GALNT13: variants seen among roughly 807,000 people sequenced by gnomAD.
The protein encoded by GALNT13 is polypeptide N-acetylgalactosaminyltransferase 13.
GALNT13 carries 28 observed loss-of-function variants against 64.2 expected under a neutral mutation model. The observed-to-expected ratio is 0.44, with a 90% CI of 0.32 to 0.60. GALNT13 has a LOEUF of 0.60. Among genes scored for constraint, GALNT13 ranks in the 20% least tolerant of loss-of-function variants. The probability of loss-of-function intolerance (pLI) is 0.05; values close to 1 mark genes in which losing one functional copy is unlikely to be tolerated. For synonymous variants in GALNT13, 214 were observed against 224.6 expected (o/e 0.95, Z 0.42); for missense variants, 577 against 669.8 (o/e 0.86, Z 1.53).
intron 9 of GALNT13, among the ~76,000 whole-genome samples, chr2:154,354,833 C>T (rs1009452060): frequency 2.0e-5 from 3 of 151,866 alleles, no homozygotes; most frequent in East Asian, 1.9e-4. Flanking sequence ...AATTTGTAAC[C>T]TTAGTTTCTC....
At chr2:153,309,141 A>G in the GALNT13 span, among the ~76,000 whole-genome samples, 196 of 152,272 alleles carry the variant, frequency 1.3e-3, 6 homozygotes, top group East Asian at 0.036. Flanking sequence ...AGCTATTATC[A>G]GAGATAACAT....
At chr2:153,387,952 T>C in the GALNT13 span, among the ~76,000 whole-genome samples, 3 of 147,380 alleles carry the variant, frequency 2.0e-5, no homozygotes, top group African/African-American at 7.6e-5. Flanking sequence ...TTATAGCATA[T>C]AAAAATCCCT....
At chr2:153,734,316 T>C in the GALNT13 span, among the ~76,000 whole-genome samples, 451 of 152,282 alleles carry the variant, frequency 3.0e-3, 3 homozygotes, top group African/African-American at 0.01. Flanking sequence ...TAGTATTTAC[T>C]AGGTAAATCA....
At chr2:153,583,346 CT>C in the GALNT13 span, among the ~76,000 whole-genome samples, 2 of 152,146 alleles carry the variant, frequency 1.3e-5, no homozygotes, top group African/African-American at 4.8e-5. Flanking sequence ...AGATGGTTGA[CT>C]AGAAGAATTT....
chr2:153,181,817 T>C, the GALNT13 span, among the ~76,000 whole-genome samples: 1 of 145,950 alleles, frequency 6.9e-6, no homozygotes, highest in African/African-American at 2.5e-5. Context: ...CATAATTATA[T>C]TTATATAATA....
chr2:153,983,726 A>G (rs948038795), intron 3 of GALNT13, among the ~76,000 whole-genome samples: 4 of 151,986 alleles, frequency 2.6e-5, no homozygotes, highest in African/African-American at 9.7e-5. Context: ...TGTCCTTGGC[A>G]TTCTATCTCA....
At chr2:153,688,991 G>GTTGT in the GALNT13 span, among the ~76,000 whole-genome samples, 1 of 130,156 alleles carries the variant, frequency 7.7e-6, no homozygotes, top group African/African-American at 3.0e-5. Flanking sequence ...TAGAGGTAGG[G>GTTGT]GTGTGTGTGT....
At chr2:153,918,985 T>C (rs987164179) in intron 2 of GALNT13, among the ~76,000 whole-genome samples, 17 of 152,254 alleles carry the variant, frequency 1.1e-4, no homozygotes, top group African/African-American at 4.1e-4. Flanking sequence ...CAAAGTTAGT[T>C]GTGTGACTTA....
At chr2:153,385,165 C>T in the GALNT13 span, among the ~76,000 whole-genome samples, 6 of 152,040 alleles carry the variant, frequency 3.9e-5, no homozygotes, top group Non-Finnish European at 7.4e-5. Context: ...ACCATATGAT[C>T]CAGCAATCCC....
At chr2:154,159,504 T>A (rs1230655288) in intron 4 of GALNT13, among the ~76,000 whole-genome samples, 1 of 152,136 alleles carries the variant, frequency 6.6e-6, no homozygotes, top group Non-Finnish European at 1.5e-5. Flanking sequence ...GTTGGGTGAA[T>A]TTATAAATTA....
the GALNT13 span, among the ~76,000 whole-genome samples, chr2:153,434,681 T>C: frequency 2.6e-5 from 4 of 152,190 alleles, no homozygotes; most frequent in Non-Finnish European, 4.4e-5. Context: ...GGTTGTTTGG[T>C]TTTTTTCTTG....
At chr2:154,122,812 C>A (rs1013601359) in intron 3 of GALNT13, among the ~76,000 whole-genome samples, 1 of 151,894 alleles carries the variant, frequency 6.6e-6, no homozygotes, top group East Asian at 1.9e-4. Flanking sequence ...ATGATTTTCT[C>A]AAACTACAGA....
At chr2:153,728,236 T>G in the GALNT13 span, among the ~76,000 whole-genome samples, 1 of 152,240 alleles carries the variant, frequency 6.6e-6, no homozygotes, top group African/African-American at 2.4e-5. Context: ...GTAGAATGTT[T>G]TATACTCCTT....
chr2:153,650,446 A>C, the GALNT13 span, among the ~76,000 whole-genome samples: 1 of 152,060 alleles, frequency 6.6e-6, no homozygotes, highest in African/African-American at 2.4e-5. Context: ...TTTTAATTGG[A>C]GCATTTAGCC....
chr2:153,587,733 C>T, the GALNT13 span, among the ~76,000 whole-genome samples: 1 of 152,202 alleles, frequency 6.6e-6, no homozygotes, highest in Non-Finnish European at 1.5e-5. Flanking sequence ...TCCCATATCT[C>T]ATGTCTTCAC....
chr2:153,831,445 C>T, the GALNT13 span, among the ~76,000 whole-genome samples: 1 of 152,104 alleles, frequency 6.6e-6, no homozygotes, highest in Non-Finnish European at 1.5e-5. Flanking sequence ...TCTTCTCTTC[C>T]CATGAGTATC....
the GALNT13 span, among the ~76,000 whole-genome samples, chr2:153,787,075 C>G: frequency 6.6e-6 from 1 of 152,144 alleles, no homozygotes; most frequent in African/African-American, 2.4e-5. Context: ...GTCCCTTCCT[C>G]TGCTGCCTCC....
chr2:153,771,043 A>G, the GALNT13 span, among the ~76,000 whole-genome samples: 1,307 of 152,296 alleles, frequency 8.6e-3, 58 homozygotes, highest in East Asian at 0.13. Context: ...AGCGGAAAGA[A>G]CACCACTGCA....
intron 3 of GALNT13, among the ~76,000 whole-genome samples, chr2:154,025,826 G>A (rs770013229): frequency 2.0e-5 from 3 of 152,092 alleles, no homozygotes; most frequent in Non-Finnish European, 4.4e-5. Context: ...TGAGGGAAAG[G>A]GGGTAAGCAA....
Sources: gnomAD v4.1 joint callset for allele counts (sites outside exome capture counted in the v4.1 genomes callset) on GRCh38, gnomAD v4.1.1 for gene constraint, MANE v1.5 for transcripts, NCBI Gene and HGNC (gene_info 2026-07-23, HGNC 2026-07-21) for gene names.